The following APPBP2 variants were observed in gnomAD, a reference collection of about 807,000 sequenced individuals.
APPBP2 encodes the protein amyloid beta precursor protein binding protein 2.
In APPBP2, 15 loss-of-function variants were observed where a neutral mutation model predicts 76.0. The ratio of observed to expected loss-of-function variants is 0.20; its 90% CI spans 0.13 to 0.30. The LOEUF (loss-of-function observed/expected upper bound fraction) is 0.30. APPBP2 is among the 10% of genes least tolerant of loss of function. APPBP2 has a pLI of 1.00. For synonymous variants in APPBP2, 222 were observed against 242.2 expected, an observed-to-expected ratio of 0.92 and a Z score of 0.77; for missense variants, 401 against 687.2, an observed-to-expected ratio of 0.58 and a Z score of 4.66.
chr17:60,474,590 A>C (rs937341980), intron 4 of APPBP2, among the ~76,000 whole-genome samples: 4 of 152,224 alleles, frequency 2.6e-5, no homozygotes, highest in African/African-American at 9.6e-5. Context: ...TTTGTTGTTC[A>C]AAATACAGGT....
At chr17:60,458,441 A>AC (rs937385450) in intron 9 of APPBP2, among the ~76,000 whole-genome samples, 11 of 151,978 alleles carry the variant, frequency 7.2e-5, no homozygotes, top group African/African-American at 2.7e-4. Flanking sequence ...GTCTCAAAAA[A>AC]AAAACAAAAC....
At chr17:60,509,443 T>G (rs1339802387) in intron 1 of APPBP2, among the ~76,000 whole-genome samples, 1 of 151,912 alleles carries the variant, frequency 6.6e-6, no homozygotes, top group African/African-American at 2.4e-5. Flanking sequence ...TTTAAGAACA[T>G]TAAGGAATTA....
intron 4 of APPBP2, among the ~76,000 whole-genome samples, chr17:60,469,987 C>T (rs1199239695): frequency 6.6e-5 from 10 of 152,126 alleles, no homozygotes; most frequent in Admixed American, 6.5e-4. Context: ...TTTTACATTC[C>T]CAGCAACAGT....
chr17:60,500,174 C>A (rs577510720), intron 2 of APPBP2, among the ~76,000 whole-genome samples: 1 of 152,160 alleles, frequency 6.6e-6, no homozygotes, highest in South Asian at 2.1e-4. Flanking sequence ...CCACGCCCAG[C>A]TAATTTTTTG....
chr17:60,516,422 T>G (rs566006699), intron 1 of APPBP2, among the ~76,000 whole-genome samples: 2 of 152,224 alleles, frequency 1.3e-5, no homozygotes, highest in East Asian at 1.9e-4. Context: ...GTATTTCTTT[T>G]GGCCTGGGGT....
At chr17:60,457,526 G>T (rs139183985) in intron 9 of APPBP2, among the ~76,000 whole-genome samples, 1 of 151,862 alleles carries the variant, frequency 6.6e-6, no homozygotes, top group Admixed American at 6.6e-5. Flanking sequence ...TCCTGGGCTC[G>T]GGTGATCCTC....
At chr17:60,494,336 A>T in intron 3 of APPBP2, 130 bp downstream of exon 3, 1 of 890,166 alleles carries the variant, frequency 1.1e-6, no homozygotes, top group Non-Finnish European at 1.7e-6. Context: ...GCATGGGGTT[A>T]AGTGGTTCTG....
At chr17:60,475,012 G>A (rs1030444519) in intron 4 of APPBP2, among the ~76,000 whole-genome samples, 2 of 151,878 alleles carry the variant, frequency 1.3e-5, no homozygotes, top group South Asian at 2.1e-4. Context: ...GGCAGATCAC[G>A]AGGTCAGGAG....
intron 3 of APPBP2, among the ~76,000 whole-genome samples, chr17:60,487,922 T>C (rs1267642851): frequency 6.6e-6 from 1 of 152,254 alleles, no homozygotes; most frequent in African/African-American, 2.4e-5. Flanking sequence ...TATTCCTTTC[T>C]GTTTGTTAGT....
At chr17:60,464,824 G>C (rs2090499268) in intron 5 of APPBP2, 1 of 152,186 alleles carries the variant, frequency 6.6e-6, no homozygotes. Flanking sequence ...GAGATGGGAG[G>C]ATCGCCAAGC....
At chr17:60,492,012 C>A (rs193295919) in intron 3 of APPBP2, among the ~76,000 whole-genome samples, 1 of 152,130 alleles carries the variant, frequency 6.6e-6, no homozygotes, top group African/African-American at 2.4e-5. Flanking sequence ...AGCCCAGGGC[C>A]CCCCTGCTGT....
chr17:60,454,028 C>A (rs1037313904), intron 11 of APPBP2, among the ~76,000 whole-genome samples: 3 of 152,044 alleles, frequency 2.0e-5, no homozygotes, highest in Non-Finnish European at 4.4e-5. Flanking sequence ...TGTGCCACCA[C>A]ACCTGCCTAA....
chr17:60,511,788 T>C (rs1027137807), intron 1 of APPBP2, among the ~76,000 whole-genome samples: 1 of 152,156 alleles, frequency 6.6e-6, no homozygotes, highest in African/African-American at 2.4e-5. Flanking sequence ...ACTGTCAACA[T>C]AATGGCACAC....
chr17:60,453,464 C>T (rs1278803405), intron 11 of APPBP2, among the ~76,000 whole-genome samples: 2 of 152,052 alleles, frequency 1.3e-5, no homozygotes, highest in Admixed American at 1.3e-4. Context: ...GGATTACAGA[C>T]ATGAGCCACT....
chr17:60,468,925 A>C (rs759853441), intron 4 of APPBP2, among the ~76,000 whole-genome samples: 2 of 152,242 alleles, frequency 1.3e-5, no homozygotes, highest in Non-Finnish European at 2.9e-5. Flanking sequence ...GTAAGTCATT[A>C]GTTTACTAAT....
intron 1 of APPBP2, among the ~76,000 whole-genome samples, chr17:60,520,590 A>C (rs796220341): frequency 0.076 from 11,329 of 149,364 alleles, 1,628 homozygotes; most frequent in African/African-American, 0.27. Context: ...AAAAAAAAAA[A>C]ATTAAGATTG....
intron 9 of APPBP2, among the ~76,000 whole-genome samples, chr17:60,457,992 T>A (rs1269969430): frequency 1.5e-5 from 2 of 132,540 alleles, no homozygotes; most frequent in Non-Finnish European, 1.5e-5. Context: ...TAACATCAAT[T>A]TATGTTCTCT....
intron 2 of APPBP2, among the ~76,000 whole-genome samples, chr17:60,495,424 ATATT>A (rs2090766301): frequency 3.6e-5 from 5 of 137,700 alleles, no homozygotes; most frequent in African/African-American, 1.3e-4. Flanking sequence ...ATTTTTAAAA[ATATT>A]TTATTTATTT....
chr17:60,508,650 A>G (rs2090888315), intron 1 of APPBP2, among the ~76,000 whole-genome samples: 1 of 152,186 alleles, frequency 6.6e-6, no homozygotes, highest in African/African-American at 2.4e-5. Flanking sequence ...TGCCTAAAGA[A>G]GTCTAGAACA....
Sources: gnomAD v4.1 joint callset for allele counts (sites outside exome capture counted in the v4.1 genomes callset) on GRCh38, gnomAD v4.1.1 for gene constraint, MANE v1.5 for transcripts, NCBI Gene and HGNC (gene_info 2026-07-23, HGNC 2026-07-21) for gene names.